Variants in PMP22 observed in about 807,000 individuals in gnomAD.
PMP22 encodes peripheral myelin protein 22, also known as Charcot-Marie-Tooth neuropathy 1A (greatly reduced nerve conduction velocity, hereditary motor sensory neuropathy Ia).
A neutral mutation model predicts 18.9 loss-of-function variants in PMP22; 2 were observed. That is an observed-to-expected ratio of 0.11 (90% CI 0.04 to 0.33). The LOEUF is 0.33. Among genes scored for constraint, PMP22 ranks in the 10% least tolerant of loss-of-function variants. PMP22 has a pLI of 1.00. For synonymous variants in PMP22, 95 were observed against 89.2 expected (o/e 1.07, Z -0.37); for missense variants, 169 against 202.2 (o/e 0.84, Z 1.00).
At chr17:15,263,583 G>GCGCACACACACACACA (rs71353722) in intron 1 of PMP22, among the ~76,000 whole-genome samples, 1,804 of 150,024 alleles carry the variant, frequency 0.012, 30 homozygotes, top group African/African-American at 0.042. Flanking sequence ...GCACGCGCGC[G>GCGCACACACACACACA]CACACACACA....
At chr17:15,249,786 AGGCACTGT>A (rs1908163282) in intron 3 of PMP22, among the ~76,000 whole-genome samples, 1 of 152,216 alleles carries the variant, frequency 6.6e-6, no homozygotes, top group South Asian at 2.1e-4. Flanking sequence ...ATTGTCCAGG[AGGCACTGT>A]GGAGATTTAA....
intron 3 of PMP22, among the ~76,000 whole-genome samples, chr17:15,240,088 A>G (rs1360045043): frequency 1.3e-5 from 2 of 152,214 alleles, no homozygotes; most frequent in Non-Finnish European, 2.9e-5. Context: ...TTTAAAATAT[A>G]TTGAATTTCC....
intron 3 of PMP22, among the ~76,000 whole-genome samples, chr17:15,251,029 C>T (rs79393259): frequency 0.013 from 1,935 of 152,314 alleles, 21 homozygotes; most frequent in Non-Finnish European, 0.02. Context: ...TCCCAACTGT[C>T]CTTCTCAGTA....
chr17:15,247,800 G>C (rs1364396764), intron 3 of PMP22, among the ~76,000 whole-genome samples: 1 of 152,164 alleles, frequency 6.6e-6, no homozygotes, highest in Non-Finnish European at 1.5e-5. Context: ...GTGAAAGGAA[G>C]GACAGTTGCA....
At chr17:15,237,449 T>C (rs1472998909) in intron 4 of PMP22, among the ~76,000 whole-genome samples, 2 of 152,254 alleles carry the variant, frequency 1.3e-5, no homozygotes, top group Non-Finnish European at 2.9e-5. Context: ...ATATTTTCAA[T>C]GTGACTGGGT....
At position 15,260,817 on chromosome 17, in the gene PMP22, G is replaced by C. The variant is rs562778933; in HGVS notation, c.-34-56C>G. On this transcript the variant is annotated intron_variant, in intron 1 of 4. Transcript: ENST00000312280. ...ACGCACTGGGCCGAGCGACGGAGGC[G>C]CGCGCAGAGGGAGGGTCCCGCGCAC... The C allele has an allele frequency of 3.1e-5, 37 of 1,179,018 alleles. No homozygotes were observed. In the African/African-American group the frequency reaches 5.2e-4, roughly 16 times the overall value. 73.0% of individuals were successfully genotyped at this position (1,179,018 alleles called of 1,614,324 possible).
chr17:15,260,454 C>T (rs1190877581), intron 2 of PMP22, 196 bp downstream of exon 2: 1 of 647,366 alleles, frequency 1.5e-6, no homozygotes. Context: ...CCAGCGCTCG[C>T]TTGGTTCCTA....
chr17:15,245,818 A>T (rs1462368800), intron 3 of PMP22, among the ~76,000 whole-genome samples: 1 of 151,966 alleles, frequency 6.6e-6, no homozygotes, highest in African/African-American at 2.4e-5. Flanking sequence ...CATGCTGGCT[A>T]ACACAGTGAA....
At chr17:15,237,989 A>C (rs1597605762) in intron 4 of PMP22, among the ~76,000 whole-genome samples, 1 of 151,946 alleles carries the variant, frequency 6.6e-6, no homozygotes, top group African/African-American at 2.4e-5. Flanking sequence ...TATCAAACTA[A>C]AACGAGTGAG....
chr17:15,258,278 G>A lies in PMP22; in HGVS notation c.178+816C>T, dbSNP rs188959307. On this transcript the variant is annotated intron_variant, in intron 3 of 4. Coordinates refer to ENST00000312280, the MANE Select transcript of PMP22 (RefSeq NM_000304.4). This position sits in a 1 kb window ranked among gnomAD's most constrained non-coding sequence, Gnocchi z 4.1. ...GGTCCACGGGCTCTTAACATCAATC[G>A]CTATGGCCTACCCAGCCACCAAAAC... is the stretch of plus-strand genomic sequence containing the variant. Among the ~76,000 whole-genome samples, 12 of 152,174 alleles carry A rather than the reference G, an allele frequency of 7.9e-5. No individual in the cohort carries two copies. The highest frequency in any genetic ancestry group is 1.2e-4 in the Non-Finnish European group (8 of 68,012).
intron 4 of PMP22, chr17:15,235,357 A>G (rs1906708194): frequency 4.2e-6 from 3 of 716,802 alleles, no homozygotes; most frequent in East Asian, 5.4e-5. Context: ...TGTGCCCCAC[A>G]TGGAGCTTGA....
intron 1 of PMP22, chr17:15,262,603 G>T (rs1189816265): frequency 6.6e-6 from 1 of 152,342 alleles, no homozygotes; most frequent in Non-Finnish European, 1.5e-5. Context: ...CCCTGTTTGC[G>T]TCGCTGCAGT....
At chr17:15,235,761 C>CT (rs1042103595) in intron 4 of PMP22, among the ~76,000 whole-genome samples, 34 of 150,482 alleles carry the variant, frequency 2.3e-4, no homozygotes, top group Admixed American at 6.0e-4. Context: ...TTTCTTTTTT[C>CT]TTTTTTTTTG....
chr17:15,263,513 C>A (rs1051709573), intron 1 of PMP22, among the ~76,000 whole-genome samples: 4 of 151,898 alleles, frequency 2.6e-5, no homozygotes, highest in Non-Finnish European at 5.9e-5. Context: ...CCTTGAGGCA[C>A]GGGACAGGGA....
At chr17:15,235,951 G>A (rs983282830) in intron 4 of PMP22, among the ~76,000 whole-genome samples, 5 of 151,750 alleles carry the variant, frequency 3.3e-5, no homozygotes, top group African/African-American at 1.2e-4. Context: ...GTAGAGACAG[G>A]GTTTCACCAT....
intron 3 of PMP22, among the ~76,000 whole-genome samples, chr17:15,249,286 G>T (rs1329830222): frequency 2.0e-5 from 3 of 152,142 alleles, no homozygotes; most frequent in Non-Finnish European, 2.9e-5. Context: ...CCCATGCAAT[G>T]TGCAGGTCCT....
chr17:15,246,767 C>T (rs1045247128), intron 3 of PMP22, among the ~76,000 whole-genome samples: 3 of 152,190 alleles, frequency 2.0e-5, no homozygotes, highest in Non-Finnish European at 4.4e-5. Flanking sequence ...GTGCTGAGCA[C>T]TGGAATTAAA....
intron 2 of PMP22, 200 bp downstream of exon 2, chr17:15,260,450 C>G (rs977675164): frequency 6.3e-6 from 4 of 639,194 alleles, no homozygotes; most frequent in Non-Finnish European, 1.1e-5. Context: ...CAGCCCAGCG[C>G]TCGCTTGGTT....
chr17:15,260,827 G>A, intron 1 of PMP22, 66 bp from the exon 2 acceptor site: 1 of 1,100,914 alleles, frequency 9.1e-7, no homozygotes, highest in Non-Finnish European at 1.4e-6. Context: ...GCGCGCAGAG[G>A]GAGGGTCCCG....
Sources: gnomAD v4.1 joint callset for allele counts (sites outside exome capture counted in the v4.1 genomes callset) on GRCh38, gnomAD v4.1.1 for gene constraint, Gnocchi (gnomAD v3.1) non-coding constraint, MANE v1.5 for transcripts, NCBI Gene and HGNC (gene_info 2026-07-23, HGNC 2026-07-21) for gene names.